Variants in TMPRSS13 observed in about 807,000 individuals in gnomAD.
TMPRSS13 encodes the protein transmembrane serine protease 13.
Under a neutral mutation model 68.4 loss-of-function variants are expected in TMPRSS13, and 50 were observed. The ratio of observed to expected loss-of-function variants is 0.73; its 90% CI spans 0.58 to 0.93. TMPRSS13 has a LOEUF of 0.93. Ranked by LOEUF, TMPRSS13 falls within the 40% of genes least tolerant of loss-of-function variation. TMPRSS13 has a pLI of 0.00. For synonymous variants in TMPRSS13, 267 were observed against 285.8 expected (o/e 0.93, Z 0.66); for missense variants, 615 against 729.2 (o/e 0.84, Z 1.80).
intron 1 of TMPRSS13, among the ~76,000 whole-genome samples, chr11:117,919,587 C>T (rs2057622557): frequency 6.6e-6 from 1 of 152,278 alleles, no homozygotes; most frequent in African/African-American, 2.4e-5. Flanking sequence ...TTTGTGCACA[C>T]TCTAAGTCTT....
At chr11:117,905,280 T>G (rs1418971928) in intron 10 of TMPRSS13, among the ~76,000 whole-genome samples, 1 of 151,904 alleles carries the variant, frequency 6.6e-6, no homozygotes, top group Non-Finnish European at 1.5e-5. Context: ...CTTTGAACCC[T>G]CCCCAAGCCA....
At chr11:117,907,364 G>A (rs1382236677) in intron 9 of TMPRSS13, 1 of 152,310 alleles carries the variant, frequency 6.6e-6, no homozygotes, top group African/African-American at 2.4e-5. Context: ...ACGCTGCGTG[G>A]GCGTGGTTCT....
intron 2 of TMPRSS13, among the ~76,000 whole-genome samples, chr11:117,917,570 G>C (rs1232588019): frequency 6.6e-6 from 1 of 152,196 alleles, no homozygotes; most frequent in Non-Finnish European, 1.5e-5. Flanking sequence ...GCAACCTCAT[G>C]AGCAGAGTCT....
Position 117,902,110 on chromosome 11 carries a change from AG to A in TMPRSS13, c.*128del. On this transcript the variant is annotated 3_prime_UTR_variant, in exon 13 of 13. Transcript: ENST00000524993. ...CACACACACACACACACACAGAGGC[AG>A]CAGACAGTGGAGGTGGGAGTCCGAT... 2.1e-6 allele frequency: 2 copies of A among 947,204 alleles called. No homozygotes were observed. The highest frequency in any genetic ancestry group is 1.6e-5 in the African/African-American group (1 of 61,896). 58.7% of individuals were successfully genotyped at this position (947,204 alleles called of 1,614,324 possible).
In TMPRSS13 at chr11:117,927,397, G is replaced by A. The variant is rs188677588; in HGVS notation, c.21+1890C>T. On this transcript the variant is annotated intron_variant, in intron 1 of 12. Transcript: ENST00000524993. ...AGAAACTAAGGTACAGAAAGGTGAAGTGGCTTGCCCAAAGCTGACGGGGAA... is the reference window on the plus strand; with the variant it reads ...AGAAACTAAGGTACAGAAAGGTGAAATGGCTTGCCCAAAGCTGACGGGGAA... Among the ~76,000 whole-genome samples, 46 of 152,330 alleles carry A rather than the reference G, an allele frequency of 3.0e-4. No individual in the cohort carries two copies. In the East Asian group the frequency reaches 5.2e-3, roughly 17 times the overall value.
At chr11:117,923,838 TAAA>T (rs1555057480) in intron 1 of TMPRSS13, among the ~76,000 whole-genome samples, 6 of 128,144 alleles carry the variant, frequency 4.7e-5, no homozygotes, top group African/African-American at 1.4e-4. Context: ...GTATAATAAT[TAAA>T]AAAAAAAAAA....
intron 12 of TMPRSS13, among the ~76,000 whole-genome samples, chr11:117,902,526 C>G (rs1388207018): frequency 6.6e-6 from 1 of 152,212 alleles, no homozygotes; most frequent in Non-Finnish European, 1.5e-5. Context: ...CAGAGCACCC[C>G]CTGCTTTACA....
chr11:117,923,100 A>G (rs2057663712), intron 1 of TMPRSS13, among the ~76,000 whole-genome samples: 9 of 152,184 alleles, frequency 5.9e-5, no homozygotes, highest in Admixed American at 5.9e-4. Context: ...GTCCCTGGAC[A>G]GAAGTCTATA....
In TMPRSS13 at chr11:117,902,104, AGAGG is replaced by A; in HGVS notation, c.*131_*134del. 2.2e-6 allele frequency: 2 copies of A among 907,264 alleles called. No homozygotes were observed. Among genetic ancestry groups the A allele is most frequent in the African/African-American group, 1.6e-5 (1 of 61,116 alleles). 56.2% of individuals were successfully genotyped at this position (907,264 alleles called of 1,614,324 possible). A position where few individuals can be genotyped will look rare whatever the true frequency, so the allele number is the denominator to read the frequency against. ...CACACACACACACACACACACACACAGAGGCAGCAGACAGTGGAGGTGGGAGTCC... is the reference window on the plus strand; with the variant it reads ...CACACACACACACACACACACACACACAGCAGACAGTGGAGGTGGGAGTCC... On this transcript the variant is annotated 3_prime_UTR_variant, in exon 13 of 13. Transcript: ENST00000524993.
At chr11:117,908,110 T>A in intron 9 of TMPRSS13, 1 of 1,051,506 alleles carries the variant, frequency 9.5e-7, no homozygotes, top group Non-Finnish European at 1.2e-6. Flanking sequence ...GAGCACTGCT[T>A]GGGAATCAGA....
chr11:117,921,839 A>G (rs1265343607), intron 1 of TMPRSS13, among the ~76,000 whole-genome samples: 1 of 152,174 alleles, frequency 6.6e-6, no homozygotes, highest in Non-Finnish European at 1.5e-5. Flanking sequence ...AGAACTGCCC[A>G]TGAAGAGAAC....
At chr11:117,918,882 A>G in intron 1 of TMPRSS13, 44 bp from the exon 2 acceptor site, 3 of 1,605,392 alleles carry the variant, frequency 1.9e-6, no homozygotes, top group Non-Finnish European at 2.5e-6. Flanking sequence ...CTCCCCTGCC[A>G]ACCCACCCCA....
Position 117,901,741 on chromosome 11 carries a change from G to A in TMPRSS13, c.*498C>T, listed in dbSNP as rs116251302. 1.4e-4 allele frequency: 24 copies of A among 168,420 alleles called. No individual in the cohort carries two copies. The highest frequency in any genetic ancestry group is 4.3e-4 in the African/African-American group (18 of 42,336). The allele number at this position is 168,420 out of a possible 1,614,324, so 10.4% of individuals were successfully genotyped here. ...AGGACTTGATGCTCATAAAGCCAAC[G>A]GGAGCAGCTTTTCACCGAAGACGGT... is the stretch of plus-strand genomic sequence containing the variant. On this transcript the variant is annotated 3_prime_UTR_variant, in exon 13 of 13. Transcript: ENST00000524993.
At chr11:117,907,752 C>T in intron 9 of TMPRSS13, 3 of 967,430 alleles carry the variant, frequency 3.1e-6, no homozygotes, top group Non-Finnish European at 3.7e-6. Flanking sequence ...GCCTATGCCA[C>T]CATAGCTCCC....
intron 9 of TMPRSS13, among the ~76,000 whole-genome samples, chr11:117,907,295 T>G (rs1189606389): frequency 6.6e-6 from 1 of 151,532 alleles, no homozygotes; most frequent in South Asian, 2.1e-4. Context: ...AAGGATGGAG[T>G]TTCAGAAAGG....
chr11:117,929,358 T>A lies in TMPRSS13; in HGVS notation c.-51A>T, dbSNP rs760962995. 1.6e-5 allele frequency: 26 copies of A among 1,576,886 alleles called. No individual in the cohort carries two copies. The highest frequency in any genetic ancestry group is 2.2e-5 in the Non-Finnish European group (25 of 1,154,906). On this transcript the variant is annotated 5_prime_UTR_variant, in exon 1 of 13. Transcript: ENST00000524993. Reference sequence around the variant, plus strand: ...GGCTTAGCTGATGTCGAGGAGAAGATCCATCTTGGTCCCTGGCTTCTCAGG... The same window carrying A: ...GGCTTAGCTGATGTCGAGGAGAAGAACCATCTTGGTCCCTGGCTTCTCAGG...
rs1420867358 is a variant in TMPRSS13 at position 117,904,030 on chromosome 11, C to A, written c.1453G>T (p.Val485Phe). ...CTTGGGGTAAGGTAACTGTCATAGA[C>A]CAAGTAGTCATTGCATTTCTTGAAG... Reference protein sequence around the residue: ...IDFKKCNDYLVYDSYLTPRMM... With the variant: ...IDFKKCNDYLFYDSYLTPRMM... Residue 485 changes from valine to phenylalanine, a missense_variant, in exon 11 of 13, where the codon GTC (valine) becomes TTC (phenylalanine). Val to Phe is a conservative substitution (Grantham distance 50). Transcript: ENST00000524993. 6.2e-7 allele frequency: 1 copy of A among 1,613,906 alleles called. No individual in the cohort carries two copies. Among genetic ancestry groups the A allele is most frequent in the Admixed American group, 1.7e-5 (1 of 59,996 alleles).
At chr11:117,912,905 G>T (rs1181431164) in intron 5 of TMPRSS13, among the ~76,000 whole-genome samples, 2 of 152,206 alleles carry the variant, frequency 1.3e-5, no homozygotes, top group African/African-American at 4.8e-5. Context: ...AATACCTAAA[G>T]GAGGTTCAGG....
At chr11:117,905,584 T>TAC in intron 10 of TMPRSS13, 54 bp downstream of exon 10, 1 of 1,454,640 alleles carries the variant, frequency 6.9e-7, no homozygotes, top group Non-Finnish European at 9.4e-7. Flanking sequence ...CGCACATGTA[T>TAC]ACACACACAT....
Sources: gnomAD v4.1 joint callset for allele counts (sites outside exome capture counted in the v4.1 genomes callset) on GRCh38, gnomAD v4.1.1 for gene constraint, MANE v1.5 for transcripts, NCBI Gene and HGNC (gene_info 2026-07-23, HGNC 2026-07-21) for gene names.